Variants in TMEM40 observed in about 807,000 individuals in gnomAD.
The protein encoded by TMEM40 is transmembrane protein 40.
A neutral mutation model predicts 40.8 loss-of-function variants in TMEM40; 34 were observed. The ratio of observed to expected loss-of-function variants is 0.83; its 90% CI spans 0.63 to 1.11. The LOEUF (loss-of-function observed/expected upper bound fraction) is 1.11. Ranked by LOEUF, TMEM40 falls within the 50% of genes least tolerant of loss-of-function variation. The pLI is 0.00. For missense variants in TMEM40, 296 were observed against 280.2 expected (o/e 1.06, Z -0.40); for synonymous variants, 106 against 107.0 (o/e 0.99, Z 0.06).
chr3:12,738,768 G>A lies in TMEM40; in HGVS notation c.356-180C>T, dbSNP rs1024788354. On this transcript the variant is annotated intron_variant, in intron 5 of 11. Coordinates refer to ENST00000314124, the MANE Select transcript of TMEM40 (RefSeq NM_018306.4). ...CTAAAGGGGCAGCCACCACCCACCA[G>A]CCACAGAAAGCTGCTGTAGGAACGC... 43 of 605,690 alleles carry A rather than the reference G, an allele frequency of 7.1e-5. No individual in the cohort carries two copies. The African/African-American group carries it at 7.3e-4, about 10-fold the overall frequency. The allele number at this position is 605,690 out of a possible 1,614,324, so 37.5% of individuals were successfully genotyped here.
At chr3:12,737,946 C>T (rs574873598) in intron 7 of TMEM40, 190 bp downstream of exon 7, 5 of 939,314 alleles carry the variant, frequency 5.3e-6, no homozygotes, top group African/African-American at 1.6e-5. Context: ...CCTCCTCCTT[C>T]CTTAGGCCCG....
chr3:12,746,031 G>A (rs2061424780), intron 3 of TMEM40, among the ~76,000 whole-genome samples: 1 of 151,808 alleles, frequency 6.6e-6, no homozygotes, highest in South Asian at 2.1e-4. Flanking sequence ...CCGAGTAGCT[G>A]GGATTACAGG....
chr3:12,743,845 G>A, intron 4 of TMEM40, 55 bp downstream of exon 4: 4 of 1,545,866 alleles, frequency 2.6e-6, no homozygotes, highest in Non-Finnish European at 3.6e-6. Context: ...GTCCCACGGA[G>A]AAACTCAACG....
Position 12,744,905 on chromosome 3 carries a change from G to A in TMEM40, c.212-916C>T, listed in dbSNP as rs142352516. Among the ~76,000 whole-genome samples, 42 of 152,178 alleles carry A rather than the reference G, an allele frequency of 2.8e-4. No homozygotes were observed. The East Asian group carries it at 7.0e-3, about 25-fold the overall frequency. ...TTGGGAAGCTCAACAAAATAACAACGGTGGTGTTTATCTCAGGAGAGAGGA... is the reference window on the plus strand; with the variant it reads ...TTGGGAAGCTCAACAAAATAACAACAGTGGTGTTTATCTCAGGAGAGAGGA... On this transcript the variant is annotated intron_variant, in intron 3 of 11. Coordinates refer to ENST00000314124, the MANE Select transcript of TMEM40 (RefSeq NM_018306.4).
intron 2 of TMEM40, among the ~76,000 whole-genome samples, chr3:12,749,423 G>A (rs1365946613): frequency 6.6e-6 from 1 of 152,192 alleles, no homozygotes; most frequent in Non-Finnish European, 1.5e-5. Flanking sequence ...GCCAAGATGA[G>A]GTGTGATCAA....
intron 3 of TMEM40, among the ~76,000 whole-genome samples, chr3:12,746,943 C>CCCTGCCTGCACCTGGAAGCTCTTCTT (rs2061433689): frequency 6.6e-6 from 1 of 152,116 alleles, no homozygotes; most frequent in African/African-American, 2.4e-5. Flanking sequence ...ACAAACAGCC[C>CCCTGCCTGCACCTGGAAGCTCTTCTT]CCTGCCTGCA....
intron 6 of TMEM40, 66 bp from the exon 7 acceptor site, chr3:12,738,234 C>G: frequency 6.4e-7 from 1 of 1,569,684 alleles, no homozygotes; most frequent in South Asian, 1.1e-5. Flanking sequence ...TGCCTCCACC[C>G]TGGGGAAGGC....
At chr3:12,767,022 G>C (rs1218366865) in intron 1 of TMEM40, among the ~76,000 whole-genome samples, 1 of 152,206 alleles carries the variant, frequency 6.6e-6, no homozygotes, top group Non-Finnish European at 1.5e-5. Context: ...TGCGCCTGGG[G>C]AAGGGCCAGT....
chr3:12,745,838 T>G, intron 3 of TMEM40, among the ~76,000 whole-genome samples: 1 of 152,178 alleles, frequency 6.6e-6, no homozygotes, highest in East Asian at 1.9e-4. Context: ...TTTAGTTATT[T>G]AAAAAGTTAC....
At chr3:12,768,011 C>A (rs934144636) in intron 1 of TMEM40, among the ~76,000 whole-genome samples, 4 of 152,160 alleles carry the variant, frequency 2.6e-5, no homozygotes, top group African/African-American at 9.7e-5. Context: ...TTGGTGGGTT[C>A]TTGGTCTCAC....
At chr3:12,743,447 A>G (rs2061398867) in intron 4 of TMEM40, among the ~76,000 whole-genome samples, 1 of 152,224 alleles carries the variant, frequency 6.6e-6, no homozygotes, top group Admixed American at 6.5e-5. Context: ...AGCCTGGGCA[A>G]CAAGAGCGAA....
At chr3:12,742,030 G>C (rs1404218100) in intron 5 of TMEM40, among the ~76,000 whole-genome samples, 1 of 152,196 alleles carries the variant, frequency 6.6e-6, no homozygotes, top group Admixed American at 6.5e-5. Flanking sequence ...AGGAGACCGA[G>C]ACCATCCTGG....
intron 1 of TMEM40, among the ~76,000 whole-genome samples, chr3:12,756,037 C>G (rs1357860444): frequency 6.6e-6 from 1 of 152,186 alleles, no homozygotes; most frequent in Non-Finnish European, 1.5e-5. Flanking sequence ...TGCATTACCA[C>G]ATTGGAAAGA....
Position 12,738,298 on chromosome 3 carries a change from C to A in TMEM40, c.392-130G>T, listed in dbSNP as rs1030728427. 1.7e-5 allele frequency: 19 copies of A among 1,113,634 alleles called. 1 individual carries two copies. The African/African-American group carries it at 2.6e-4, about 15-fold the overall frequency. The allele number at this position is 1,113,634 out of a possible 1,614,324, so 69.0% of individuals were successfully genotyped here. On this transcript the variant is annotated intron_variant, in intron 6 of 11. Transcript: ENST00000314124. ...GGAATTCTGCAGCCCCCACGGTATC[C>A]TTCTCTCTATTGATGGCTGGTTGGT...
intron 1 of TMEM40, among the ~76,000 whole-genome samples, chr3:12,755,198 C>T (rs6767597): frequency 0.55 from 64,915 of 117,288 alleles, 17,785 homozygotes; most frequent in African/African-American, 0.63. Flanking sequence ...TTCCTTCCTT[C>T]CTTTCTTTCT....
At chr3:12,763,356 C>T (rs2061581393), upstream of TMEM40, among the ~76,000 whole-genome samples, 7 of 152,056 alleles carry the variant, frequency 4.6e-5, no homozygotes, top group South Asian at 1.5e-3. Flanking sequence ...AACCTCAGGG[C>T]GTTTCCTACC....
intron 10 of TMEM40, among the ~76,000 whole-genome samples, 171 bp downstream of exon 10, chr3:12,736,407 C>T (rs1200340850): frequency 6.6e-6 from 1 of 152,166 alleles, no homozygotes; most frequent in Non-Finnish European, 1.5e-5. Context: ...ACCTCAGCCT[C>T]CCAAAGTGCT....
Position 12,757,849 on chromosome 3 carries a change from G to A in TMEM40, c.-9+1342C>T, listed in dbSNP as rs540539678. ...ATGGAAAAGCTGGAATTACAGGTGC[G>A]CATCACCATGCCTGGCTAATTTTTG... On this transcript the variant is annotated intron_variant, in intron 1 of 11. Transcript: ENST00000314124. Among the ~76,000 whole-genome samples, 535 of 152,184 alleles carry A rather than the reference G, an allele frequency of 3.5e-3. 3 individuals are homozygous for A. Among genetic ancestry groups the A allele is most frequent in the Middle Eastern group, 6.8e-3 (2 of 294 alleles).
In TMEM40 at chr3:12,753,288, G is replaced by A. The variant is rs995673762; in HGVS notation, c.-8-3448C>T. Among the ~76,000 whole-genome samples the A allele has an allele frequency of 6.4e-5, 9 of 140,904 alleles. No homozygotes were observed. The East Asian group carries it at 1.3e-3, about 21-fold the overall frequency. The allele number at this position is 140,904 out of a possible 152,430, so 92.4% of individuals were successfully genotyped here. ...GGCTGGAGTGCAGTGGCACGATCAC[G>A]GCTCTGCAGCTTCAACCTCCTGGGT... is the stretch of plus-strand genomic sequence containing the variant. On this transcript the variant is annotated intron_variant, in intron 1 of 11. Transcript: ENST00000314124.
Sources: allele counts gnomAD v4.1 joint callset (sites outside exome capture counted in the v4.1 genomes callset), GRCh38; gene constraint gnomAD v4.1.1; transcripts MANE v1.5; gene names NCBI Gene and HGNC (gene_info 2026-07-23, HGNC 2026-07-21).